SRPX: variants seen among roughly 807,000 people sequenced by gnomAD.
SRPX encodes sushi repeat-containing protein SRPX.
A neutral mutation model predicts 38.1 loss-of-function variants in SRPX; 24 were observed. The ratio of observed to expected loss-of-function variants is 0.63; its 90% CI spans 0.46 to 0.89. The LOEUF is 0.89. Among genes scored for constraint, SRPX ranks in the 40% least tolerant of loss-of-function variants. The probability of loss-of-function intolerance (pLI) is 0.00; values close to 1 mark genes in which losing one functional copy is unlikely to be tolerated. For synonymous variants in SRPX, 184 were observed against 153.8 expected, an observed-to-expected ratio of 1.20 and a Z score of -1.45; for missense variants, 416 against 377.8, an observed-to-expected ratio of 1.10 and a Z score of -0.84.
rs1178222422 is a variant in SRPX at position 38,149,482 on chromosome X, G to A, written c.*229C>T. On this transcript the variant is annotated 3_prime_UTR_variant, in exon 10 of 10. Transcript: ENST00000378533. The stretch of plus-strand genomic sequence containing the variant: ...TTTCTCTACAAAATCAAGCAGCCAT[G>A]ATGGAGTAAAGAAAGTTAGAAAGAG... 9.3e-6 allele frequency: 3 copies of A among 323,651 alleles called. No individual in the cohort carries two copies. Among genetic ancestry groups the A allele is most frequent in the Non-Finnish European group, 1.6e-5 (3 of 190,135 alleles). The allele number at this position is 323,651 out of a possible 1,213,427, so 26.7% of individuals were successfully genotyped here.
At chrX:38,176,674 T>C (rs1008453323) in intron 2 of SRPX, among the ~76,000 whole-genome samples, 5 of 111,168 alleles carry the variant, frequency 4.5e-5, no homozygotes, top group South Asian at 7.7e-4. Context: ...GTGCCTGTAG[T>C]CCCAGCTACC....
chrX:38,174,134 A>G (rs771287073), intron 3 of SRPX, 26 bp downstream of exon 3: 42 of 1,018,763 alleles, frequency 4.1e-5, no homozygotes, highest in Non-Finnish European at 5.0e-5. Flanking sequence ...ATCCCTGAGG[A>G]CCCAACACAG....
chrX:38,157,664 C>A (rs1938158793), intron 7 of SRPX, among the ~76,000 whole-genome samples: 1 of 112,090 alleles, frequency 8.9e-6, no homozygotes, highest in Non-Finnish European at 1.9e-5. Context: ...GTAACATATT[C>A]TCAGGTTCCA....
At chrX:38,167,225 C>T (rs1270167391) in intron 4 of SRPX, among the ~76,000 whole-genome samples, 3 of 111,789 alleles carry the variant, frequency 2.7e-5, no homozygotes, top group Non-Finnish European at 5.6e-5. Context: ...TTTTTAAATG[C>T]CATTACATAT....
At chrX:38,204,676 T>C (rs1230190424) in intron 1 of SRPX, among the ~76,000 whole-genome samples, 1 of 112,140 alleles carries the variant, frequency 8.9e-6, no homozygotes, top group Admixed American at 9.5e-5. Flanking sequence ...ATGAAAACTG[T>C]TCTGTTACTT....
intron 6 of SRPX, 56 bp from the exon 7 acceptor site, chrX:38,160,252 A>C (rs985160514): frequency 1.2e-5 from 14 of 1,141,364 alleles, no homozygotes; most frequent in Non-Finnish European, 1.7e-5. Context: ...CCACAGAGTA[A>C]GCAGAAAAGG....
At chrX:38,205,843 C>A (rs1202886647) in intron 1 of SRPX, among the ~76,000 whole-genome samples, 1 of 112,082 alleles carries the variant, frequency 8.9e-6, no homozygotes, top group Non-Finnish European at 1.9e-5. Context: ...TCAGAAGGCA[C>A]CCAGCAAACA....
At chrX:38,209,922 C>T (rs1039350912) in intron 1 of SRPX, among the ~76,000 whole-genome samples, 1 of 111,910 alleles carries the variant, frequency 8.9e-6, no homozygotes, top group Non-Finnish European at 1.9e-5. Context: ...CCACTTCCAC[C>T]TCCCCAAGCC....
At chrX:38,161,194 A>G in intron 5 of SRPX, 140 bp from the exon 6 acceptor site, 1 of 668,060 alleles carries the variant, frequency 1.5e-6, no homozygotes, top group Non-Finnish European at 2.1e-6. Context: ...AATTTCTTGA[A>G]GAATAGAATC....
chrX:38,173,502 T>G (rs895864363), intron 3 of SRPX, among the ~76,000 whole-genome samples: 4 of 110,521 alleles, frequency 3.6e-5, no homozygotes, highest in Admixed American at 9.6e-5. Context: ...CAGGTTGGAG[T>G]GCAGTGGCAC....
intron 1 of SRPX, among the ~76,000 whole-genome samples, chrX:38,187,477 C>A (rs1400556828): frequency 8.9e-6 from 1 of 111,994 alleles, no homozygotes; most frequent in Non-Finnish European, 1.9e-5. Context: ...TTCAGATGAT[C>A]CAGATAATAA....
At chrX:38,164,954 T>A in intron 4 of SRPX, 59 bp from the exon 5 acceptor site, 1 of 1,081,219 alleles carries the variant, frequency 9.2e-7, no homozygotes, top group Non-Finnish European at 1.3e-6. Flanking sequence ...CAAACTGGGG[T>A]TCAACACCCA....
chrX:38,197,512 A>G (rs1421995836), intron 1 of SRPX, among the ~76,000 whole-genome samples: 3 of 111,865 alleles, frequency 2.7e-5, no homozygotes, highest in Non-Finnish European at 5.6e-5. Flanking sequence ...TATGCATACA[A>G]TGCATAATGA....
At position 38,154,531 on chromosome X, in the gene SRPX, C is replaced by G; in HGVS notation, c.1142G>C (p.Gly381Ala). Residue 381 changes from glycine (G) to alanine (A), a missense_variant, in exon 9 of 10, where the codon GGT (glycine) becomes GCT (alanine). Coordinates refer to ENST00000378533, the MANE Select transcript of SRPX (RefSeq NM_006307.5). Reference protein sequence around the residue: ...LRHITVVELVGVFPTLIGRIG... With the variant: ...LRHITVVELVAVFPTLIGRIG... Reference sequence around the variant, plus strand: ...CCTGCCAATGAGAGTCGGGAACACACCCACCAGCTCCACCACGGTGATGTG... The same window carrying G: ...CCTGCCAATGAGAGTCGGGAACACAGCCACCAGCTCCACCACGGTGATGTG... 9 of 1,207,767 alleles carry G rather than the reference C, an allele frequency of 7.5e-6. No homozygotes were observed. Among genetic ancestry groups the G allele is most frequent in the Non-Finnish European group, 9.0e-6 (8 of 893,574 alleles).
Position 38,160,076 on chromosome X carries a change from C to A in SRPX, c.896G>T (p.Ser299Ile), listed in dbSNP as rs140816750. 9.9e-5 allele frequency: 120 copies of A among 1,210,174 alleles called. 1 individual carries two copies. The African/African-American group carries it at 1.5e-3, about 15-fold the overall frequency. Reference protein sequence around the residue: ...SCIGGYELQGSPARVCQSNLA... With the variant: ...SCIGGYELQGIPARVCQSNLA... Reference sequence around the variant, plus strand: ...GTTGGATTGACATACTCGGGCAGGGCTACCCTGGAGCTCATAGCCGCCGAT... The same window carrying A: ...GTTGGATTGACATACTCGGGCAGGGATACCCTGGAGCTCATAGCCGCCGAT... The change falls in exon 7 of 10, where the codon AGC becomes ATC. Residue 299 changes from serine (S) to isoleucine (I), a missense_variant. Transcript: ENST00000378533.
intron 1 of SRPX, among the ~76,000 whole-genome samples, chrX:38,179,713 C>A (rs905130121): frequency 8.9e-6 from 1 of 111,737 alleles, no homozygotes; most frequent in Non-Finnish European, 1.9e-5. Flanking sequence ...ACTACAGAAG[C>A]CCAATTCTGT....
intron 1 of SRPX, among the ~76,000 whole-genome samples, chrX:38,211,651 G>A (rs1443087572): frequency 9.1e-6 from 1 of 109,829 alleles, no homozygotes; most frequent in African/African-American, 3.3e-5. Context: ...AGTGAGCCGA[G>A]ATCATGTCAC....
chrX:38,196,838 G>A (rs1237743439), intron 1 of SRPX, among the ~76,000 whole-genome samples: 1 of 112,275 alleles, frequency 8.9e-6, no homozygotes, highest in Non-Finnish European at 1.9e-5. Context: ...CCAGGGACAC[G>A]AAAGGTTGGG....
chrX:38,150,086 A>G (rs1457133479), intron 9 of SRPX, among the ~76,000 whole-genome samples, 192 bp from the exon 10 acceptor site: 1 of 111,642 alleles, frequency 9.0e-6, no homozygotes, highest in Non-Finnish European at 1.9e-5. Context: ...AACTTGCTAG[A>G]AATGGAGACT....
Sources: gnomAD v4.1 joint callset for allele counts (sites outside exome capture counted in the v4.1 genomes callset) on GRCh38, gnomAD v4.1.1 for gene constraint, MANE v1.5 for transcripts, NCBI Gene and HGNC (gene_info 2026-07-23, HGNC 2026-07-21) for gene names.